PRRC2B: variants seen among roughly 807,000 people sequenced by gnomAD.
PRRC2B encodes protein PRRC2B.
PRRC2B carries 68 observed loss-of-function variants against 242.3 expected under a neutral mutation model. The ratio of observed to expected loss-of-function variants is 0.28; its 90% CI spans 0.23 to 0.34. PRRC2B has a LOEUF of 0.34. Among genes scored for constraint, PRRC2B ranks in the 10% least tolerant of loss-of-function variants. The pLI is 1.00. For missense variants in PRRC2B, 2,835 were observed against 2,954.8 expected, an observed-to-expected ratio of 0.96 and a Z score of 0.94; for synonymous variants, 1,228 against 1,173.6, an observed-to-expected ratio of 1.05 and a Z score of -0.95.
intron 1 of PRRC2B, among the ~76,000 whole-genome samples, chr9:131,396,810 T>C (rs567179824): frequency 6.6e-6 from 1 of 151,642 alleles, no homozygotes; most frequent in East Asian, 1.9e-4. Context: ...TGTTTGAGAT[T>C]GTGTGGAAGG....
At chr9:131,440,663 C>T (rs1239766545) in intron 5 of PRRC2B, among the ~76,000 whole-genome samples, 2 of 152,144 alleles carry the variant, frequency 1.3e-5, no homozygotes, top group Non-Finnish European at 2.9e-5. Context: ...AGATTGCAAA[C>T]AGTCCCTTGA....
At chr9:131,435,135 T>C (rs1356092613) in intron 3 of PRRC2B, among the ~76,000 whole-genome samples, 2 of 151,238 alleles carry the variant, frequency 1.3e-5, no homozygotes, top group African/African-American at 4.9e-5. Context: ...CGATCTCTAC[T>C]AAAAATACAA....
chr9:131,376,810 C>A (rs1348523681), intron 1 of PRRC2B, among the ~76,000 whole-genome samples: 8 of 152,136 alleles, frequency 5.3e-5, no homozygotes, highest in Non-Finnish European at 8.8e-5. Context: ...AGTTTGAGAC[C>A]AGTCTGGGGA....
chr9:131,486,315 T>C lies in PRRC2B; in HGVS notation c.5856+133T>C, dbSNP rs1588281207. 1.7e-5 allele frequency: 14 copies of C among 840,936 alleles called. No individual in the cohort carries two copies. The East Asian group carries it at 3.8e-4, about 23-fold the overall frequency. The allele number at this position is 840,936 out of a possible 1,614,324, so 52.1% of individuals were successfully genotyped here. A position where few individuals can be genotyped will look rare whatever the true frequency, so the allele number is the denominator to read the frequency against. On this transcript the variant is annotated intron_variant, in intron 26 of 31. Coordinates refer to ENST00000683519, the MANE Select transcript of PRRC2B (RefSeq NM_013318.4). ...CCCCTCACATGTGGTGACCAGCACC[T>C]GGCCCGCCACGGCAGCCAGGAGGCA...
intron 28 of PRRC2B, chr9:131,490,626 T>C (rs1412160827): frequency 1.9e-6 from 1 of 518,682 alleles, no homozygotes; most frequent in East Asian, 5.5e-5. Context: ...TTACAGTCTC[T>C]GGGCCCACAT....
chr9:131,453,887 A>G (rs1041000789), intron 9 of PRRC2B, among the ~76,000 whole-genome samples: 1 of 152,234 alleles, frequency 6.6e-6, no homozygotes, highest in Admixed American at 6.5e-5. Flanking sequence ...TAATTGTCAT[A>G]TAACATAAAA....
chr9:131,447,619 G>GGACATGAT (rs1838845316), intron 8 of PRRC2B, 43 bp from the exon 9 acceptor site: 3 of 1,519,288 alleles, frequency 2.0e-6, no homozygotes. Context: ...TTTTGCTTCC[G>GGACATGAT]TCTGTATACT....
At chr9:131,462,565 C>T (rs1251963275) in intron 11 of PRRC2B, among the ~76,000 whole-genome samples, 17 of 151,532 alleles carry the variant, frequency 1.1e-4, no homozygotes, top group South Asian at 2.1e-4. Context: ...TTTGGCCAGC[C>T]GCAGTGGCTC....
At chr9:131,396,299 CCCTT>C (rs1157568033) in intron 1 of PRRC2B, among the ~76,000 whole-genome samples, 1 of 150,416 alleles carries the variant, frequency 6.6e-6, no homozygotes, top group African/African-American at 2.4e-5. Context: ...TTCCTTCCTT[CCCTT>C]CCTTCTTTTT....
rs1403198379 is a variant in PRRC2B at position 131,447,718 on chromosome 9, A to G, written c.1034A>G (p.Glu345Gly). 1 of 1,613,380 alleles carries G rather than the reference A, an allele frequency of 6.2e-7. No individual in the cohort carries two copies. The highest frequency in any genetic ancestry group is 1.3e-5 in the African/African-American group (1 of 74,912). ...RPLRPLRQLV[E>G]RAPRPTIINA... ...CTCCGCCCACTAAGGCAGCTGGTGG[A>G]GCGGGCACCACGGCCCACCATTATC... The change falls in exon 9 of 32, where the codon GAG becomes GGG. Residue 345 changes from glutamate to glycine, a missense_variant. By Grantham distance (98) the Glu-to-Gly change is moderately conservative. Around this residue, in one of 7 missense-constraint regions of PRRC2B, gnomAD observed 626 missense variants for 685.5 expected, o/e 0.91. Transcript: ENST00000683519.
At position 131,474,595 on chromosome 9, in the gene PRRC2B, T is replaced by C. The variant is rs1463007293; in HGVS notation, c.2466T>C (p.Ser822=). ...CAGACTTTGACAGCTGTATCTCTTC[T>C]CAAAGAATAGGCCAGGAGCTTTTGT... is the stretch of plus-strand genomic sequence containing the variant. ...AQADFDSCIS[S]QRIGQELLFP... Residue 822 remains serine (S), a synonymous_variant, in exon 16 of 32, where the codon TCT becomes TCC. Transcript: ENST00000683519. The C allele has an allele frequency of 6.2e-7, 1 of 1,614,020 alleles. No homozygotes were observed. Among genetic ancestry groups the C allele is most frequent in the South Asian group, 1.1e-5 (1 of 91,082 alleles).
chr9:131,442,167 C>G (rs1176880690), intron 5 of PRRC2B, among the ~76,000 whole-genome samples: 2 of 150,834 alleles, frequency 1.3e-5, no homozygotes, highest in Non-Finnish European at 2.9e-5. Context: ...GGGTTTCATT[C>G]TGTTGCCCAG....
Position 131,420,497 on chromosome 9 carries a change from T to TTTCTTTCTTTCGTTCGTTCGTTC in PRRC2B, c.-51-9595_-51-9594insCTTTCTTTCGTTCGTTCGTTCTT, listed in dbSNP as rs1837801640. 7.3e-4 allele frequency among the ~76,000 whole-genome samples: 12 copies of TTTCTTTCTTTCGTTCGTTCGTTC among 16,432 alleles called. 1 individual carries two copies. Among genetic ancestry groups the TTTCTTTCTTTCGTTCGTTCGTTC allele is most frequent in the African/African-American group, 1.7e-3 (12 of 7,058 alleles). 10.8% of individuals were successfully genotyped at this position (16,432 alleles called of 152,430 possible). On this transcript the variant is annotated intron_variant, in intron 1 of 31. Coordinates refer to ENST00000683519, the MANE Select transcript of PRRC2B (RefSeq NM_013318.4). ...TCTTTCTTTCTTTCTTTCTTTCTTT[T>TTTCTTTCTTTCGTTCGTTCGTTC]TTTTTTTTTTTTTGAGATGGAGGCT...
chr9:131,420,499 T>TTCTTTCTTTCTTTC (rs1554758648), intron 1 of PRRC2B, among the ~76,000 whole-genome samples: 1 of 84,494 alleles, frequency 1.2e-5, no homozygotes, highest in Non-Finnish European at 2.5e-5. Context: ...CTTTCTTTTT[T>TTCTTTCTTTCTTTC]TTTTTTTTTT....
intron 10 of PRRC2B, 61 bp downstream of exon 10, chr9:131,455,227 C>A: frequency 1.7e-6 from 2 of 1,202,690 alleles, no homozygotes; most frequent in Non-Finnish European, 1.2e-6. Flanking sequence ...TGTTGTGTAC[C>A]CAGAGCATTT....
In PRRC2B at chr9:131,494,426, T is replaced by A; in HGVS notation, c.6495T>A (p.Ser2165Arg). The A allele has an allele frequency of 6.2e-7, 1 of 1,601,802 alleles. No homozygotes were observed. The highest frequency in any genetic ancestry group is 8.5e-7 in the Non-Finnish European group (1 of 1,172,430). Residue 2165 changes from serine to arginine, a missense_variant, in exon 31 of 32, where the codon AGT becomes AGA. Coordinates refer to ENST00000683519, the MANE Select transcript of PRRC2B (RefSeq NM_013318.4). The surrounding 1 kb of genome is among the most constrained non-coding windows in gnomAD (Gnocchi z 4.3). ...QTYRPSSASP[S>R]GKPSGSAVNM... ...TCAGGCCTAGCTCTGCTAGCCCCAGTGGGAAGCCCTCTGGATCAGCAGTTA... is the reference window on the plus strand; with the variant it reads ...TCAGGCCTAGCTCTGCTAGCCCCAGAGGGAAGCCCTCTGGATCAGCAGTTA...
chr9:131,442,106 A>G (rs1242535479), intron 5 of PRRC2B, among the ~76,000 whole-genome samples: 2 of 151,988 alleles, frequency 1.3e-5, no homozygotes, highest in African/African-American at 2.4e-5. Flanking sequence ...TTTTTTTCCT[A>G]ATTTCAAATC....
chr9:131,478,645 T>TTAAAAAA, intron 18 of PRRC2B, 26 bp downstream of exon 18: 2 of 222,614 alleles, frequency 9.0e-6, no homozygotes, highest in Non-Finnish European at 1.7e-5. Context: ...TGGGGGGGCA[T>TTAAAAAA]GGGGCTGGAG....
At position 131,477,824 on chromosome 9, in the gene PRRC2B, C is replaced by T; in HGVS notation, c.4487C>T (p.Ala1496Val). The T allele has an allele frequency of 6.2e-7, 1 of 1,613,218 alleles. No individual in the cohort carries two copies. The highest frequency in any genetic ancestry group is 8.5e-7 in the Non-Finnish European group (1 of 1,179,496). The part of the protein sequence containing the change: ...SGHSPYALER[A>V]AHASADLPEA... ...CACTCCCCCTATGCCCTGGAGCGGGCAGCCCATGCCAGTGCTGACCTTCCC... is the reference window on the plus strand; with the variant it reads ...CACTCCCCCTATGCCCTGGAGCGGGTAGCCCATGCCAGTGCTGACCTTCCC... Residue 1496 changes from alanine to valine, a missense_variant, in exon 17 of 32, where the codon GCA (alanine) becomes GTA (valine). Ala to Val is a moderately conservative substitution (Grantham distance 64, BLOSUM62 0). Coordinates refer to ENST00000683519, the MANE Select transcript of PRRC2B (RefSeq NM_013318.4).
Sources: gnomAD v4.1 joint callset for allele counts (sites outside exome capture counted in the v4.1 genomes callset) on GRCh38, gnomAD v4.1.1 for gene constraint, gnomAD v4.1.1 regional missense constraint, Gnocchi (gnomAD v3.1) non-coding constraint, MANE v1.5 for transcripts, NCBI Gene and HGNC (gene_info 2026-07-23, HGNC 2026-07-21) for gene names.